TRPM3: variants seen among roughly 807,000 people sequenced by gnomAD.
TRPM3 encodes transient receptor potential cation channel subfamily M member 3, also known as long transient receptor potential channel 3.
TRPM3 carries 77 observed loss-of-function variants against 181.2 expected under a neutral mutation model. The observed-to-expected ratio is 0.42, with a 90% confidence interval of 0.35 to 0.51. The LOEUF (loss-of-function observed/expected upper bound fraction) is 0.51. Among genes scored for constraint, TRPM3 ranks in the 20% least tolerant of loss-of-function variants. The probability of loss-of-function intolerance (pLI) is 0.01; values close to 1 mark genes in which losing one functional copy is unlikely to be tolerated. For synonymous variants in TRPM3, 745 were observed against 796.4 expected (o/e 0.94, Z 1.09); for missense variants, 1,759 against 2,196.7 (o/e 0.80, Z 3.98).
intron 1 of TRPM3, among the ~76,000 whole-genome samples, chr9:71,023,448 A>C (rs2097862246): frequency 6.6e-6 from 1 of 152,204 alleles, no homozygotes; most frequent in Non-Finnish European, 1.5e-5. Context: ...ACTAAACATC[A>C]GCTATTATAT....
intron 1 of TRPM3, among the ~76,000 whole-genome samples, chr9:71,275,903 G>T (rs571073566): frequency 6.6e-6 from 1 of 150,778 alleles, no homozygotes; most frequent in Non-Finnish European, 1.5e-5. Context: ...GTGCTGTGGC[G>T]TGATCTTGGC....
intron 1 of TRPM3, among the ~76,000 whole-genome samples, chr9:70,981,207 C>G (rs886914723): frequency 6.6e-6 from 1 of 152,194 alleles, no homozygotes. Flanking sequence ...GATTTTAGAG[C>G]CATAATATAT....
chr9:70,997,506 C>CT (rs908956531), intron 1 of TRPM3, among the ~76,000 whole-genome samples: 12 of 151,948 alleles, frequency 7.9e-5, no homozygotes, highest in East Asian at 7.7e-4. Flanking sequence ...TATCTTAATA[C>CT]TTTTTTTTGG....
intron 1 of TRPM3, among the ~76,000 whole-genome samples, chr9:70,974,687 C>T (rs940920384): frequency 6.6e-6 from 1 of 151,786 alleles, no homozygotes; most frequent in East Asian, 2.0e-4. Flanking sequence ...CGAGATCACA[C>T]GACTGCACTC....
At chr9:70,918,790 G>A (rs2096626701) in intron 1 of TRPM3, among the ~76,000 whole-genome samples, 1 of 151,944 alleles carries the variant, frequency 6.6e-6, no homozygotes, top group African/African-American at 2.4e-5. Flanking sequence ...AACTGATCTT[G>A]AAACGAACAA....
At chr9:70,644,811 A>G (rs2058582446) in intron 9 of TRPM3, among the ~76,000 whole-genome samples, 1 of 152,190 alleles carries the variant, frequency 6.6e-6, no homozygotes, top group Non-Finnish European at 1.5e-5. Flanking sequence ...AGAAAGCCCC[A>G]TTGTTTCAGC....
intron 1 of TRPM3, among the ~76,000 whole-genome samples, chr9:71,013,599 A>G (rs2097762757): frequency 1.3e-5 from 2 of 151,890 alleles, no homozygotes; most frequent in Admixed American, 6.6e-5. Flanking sequence ...TTTGATAACT[A>G]TCTCTGTGGA....
intron 1 of TRPM3, among the ~76,000 whole-genome samples, chr9:70,903,750 A>G (rs2096419735): frequency 6.6e-6 from 1 of 152,152 alleles, no homozygotes; most frequent in Non-Finnish European, 1.5e-5. Flanking sequence ...TTAATTTACC[A>G]TACTTTTAGT....
intron 12 of TRPM3, among the ~76,000 whole-genome samples, chr9:70,629,480 C>T: frequency 6.6e-6 from 1 of 152,034 alleles, no homozygotes; most frequent in East Asian, 1.9e-4. Flanking sequence ...GGATTACAGG[C>T]ATGTGCCATC....
intron 17 of TRPM3, 52 bp downstream of exon 17, chr9:70,618,815 T>C (rs1448475269): frequency 5.2e-6 from 8 of 1,538,310 alleles, no homozygotes; most frequent in African/African-American, 4.1e-5. Flanking sequence ...GGGAAAACTC[T>C]AACCCACCCG....
intron 1 of TRPM3, among the ~76,000 whole-genome samples, chr9:70,937,839 C>A (rs1288189267): frequency 6.9e-6 from 1 of 145,394 alleles, no homozygotes; most frequent in Admixed American, 7.1e-5. Flanking sequence ...TCAACTGAGA[C>A]CCTGACTAGA....
intron 1 of TRPM3, among the ~76,000 whole-genome samples, chr9:71,184,450 G>A (rs552379707): frequency 6.6e-6 from 1 of 152,130 alleles, no homozygotes; most frequent in South Asian, 2.1e-4. Flanking sequence ...CTCCTTTTGT[G>A]TTCTCTTCTC....
chr9:71,197,155 A>C (rs2078436298), intron 1 of TRPM3, among the ~76,000 whole-genome samples: 1 of 152,200 alleles, frequency 6.6e-6, no homozygotes, highest in African/African-American at 2.4e-5. Flanking sequence ...TTTACGGAGA[A>C]GGATGATTCC....
upstream of TRPM3, among the ~76,000 whole-genome samples, chr9:71,126,263 G>A (rs1456699389): frequency 3.3e-5 from 5 of 152,126 alleles, no homozygotes; most frequent in South Asian, 4.1e-4. Flanking sequence ...AAACAGGAAC[G>A]CTTTTACACT....
chr9:70,625,624 T>G lies in TRPM3; in HGVS notation c.1633-107A>C. ...TCAGCTGGGGAGAAAAAAACACCAG[T>G]GTAGAAGAAAGAAACACAAGGCTAG... On this transcript the variant is annotated intron_variant, in intron 12 of 25. Transcript: ENST00000677713. The surrounding 1 kb of genome is among the most constrained non-coding windows in gnomAD (Gnocchi z 4.8). 7.8e-6 allele frequency: 9 copies of G among 1,155,412 alleles called. No individual in the cohort carries two copies. Among genetic ancestry groups the G allele is most frequent in the Non-Finnish European group, 1.1e-5 (9 of 796,002 alleles). 71.6% of individuals were successfully genotyped at this position (1,155,412 alleles called of 1,614,324 possible).
At chr9:71,324,822 G>C (rs2089538068) in intron 1 of TRPM3, among the ~76,000 whole-genome samples, 1 of 152,022 alleles carries the variant, frequency 6.6e-6, no homozygotes, top group Non-Finnish European at 1.5e-5. Flanking sequence ...AAGTAACATG[G>C]ATGGAATAGG....
intron 1 of TRPM3, among the ~76,000 whole-genome samples, chr9:71,344,917 TA>T (rs1168829049): frequency 6.6e-6 from 1 of 151,828 alleles, no homozygotes; most frequent in East Asian, 1.9e-4. Flanking sequence ...TGGCAAAAGA[TA>T]AAAAGTGGGC....
At chr9:71,399,526 G>GTTTTTTTTTTTTT (rs1166936123) in intron 1 of TRPM3, among the ~76,000 whole-genome samples, 1 of 62,684 alleles carries the variant, frequency 1.6e-5, no homozygotes, top group African/African-American at 4.5e-5. Context: ...ATTTTCTTTT[G>GTTTTTTTTTTTTT]TTTTTTTTTT....
chr9:70,834,354 C>T (rs1002702971), intron 5 of TRPM3, among the ~76,000 whole-genome samples: 2 of 152,176 alleles, frequency 1.3e-5, no homozygotes, highest in African/African-American at 4.8e-5. Context: ...TTTGCCCAGT[C>T]CTGAGGGGAA....
Sources: gnomAD v4.1 joint callset for allele counts (sites outside exome capture counted in the v4.1 genomes callset) on GRCh38, gnomAD v4.1.1 for gene constraint, Gnocchi (gnomAD v3.1) non-coding constraint, MANE v1.5 for transcripts, NCBI Gene and HGNC (gene_info 2026-07-23, HGNC 2026-07-21) for gene names.